DNM3: variants seen among roughly 807,000 people sequenced by gnomAD.
The protein encoded by DNM3 is dynamin-3.
In DNM3, 47 loss-of-function variants were observed where a neutral mutation model predicts 101.6. The observed-to-expected ratio is 0.46, with a 90% CI of 0.37 to 0.59. The LOEUF (loss-of-function observed/expected upper bound fraction) is 0.59. Ranked by LOEUF, DNM3 falls within the 20% of genes least tolerant of loss-of-function variation. The pLI, the probability that DNM3 is intolerant of heterozygous loss-of-function variation, is 0.00. For synonymous variants in DNM3, 385 were observed against 387.9 expected (o/e 0.99, Z 0.09); for missense variants, 849 against 1,085.7 (o/e 0.78, Z 3.06).
At chr1:172,322,543 C>G (rs1167680063) in intron 16 of DNM3, among the ~76,000 whole-genome samples, 1 of 152,108 alleles carries the variant, frequency 6.6e-6, no homozygotes, top group African/African-American at 2.4e-5. Context: ...AGCCATTTGC[C>G]CTGCCGCCTG....
intron 17 of DNM3, among the ~76,000 whole-genome samples, chr1:172,372,475 A>G (rs1207769305): frequency 6.6e-6 from 1 of 151,956 alleles, no homozygotes; most frequent in African/African-American, 2.4e-5. Context: ...GCTATCTTAT[A>G]TGCTACCTTA....
chr1:171,928,355 C>T (rs1020853353), intron 2 of DNM3, among the ~76,000 whole-genome samples: 3 of 152,100 alleles, frequency 2.0e-5, no homozygotes, highest in Admixed American at 2.0e-4. Flanking sequence ...ACTTGTGTTC[C>T]CTCCTCCACT....
chr1:172,246,265 C>G (rs529802338), intron 14 of DNM3, among the ~76,000 whole-genome samples: 2 of 152,206 alleles, frequency 1.3e-5, no homozygotes, highest in African/African-American at 4.8e-5. Context: ...GTCTTAGAGG[C>G]AATACCAGGG....
At chr1:172,010,160 CTA>C (rs1309556211) in intron 4 of DNM3, among the ~76,000 whole-genome samples, 1 of 151,848 alleles carries the variant, frequency 6.6e-6, no homozygotes, top group Non-Finnish European at 1.5e-5. Flanking sequence ...AAAACACATG[CTA>C]TGTTTTCTGC....
intron 14 of DNM3, among the ~76,000 whole-genome samples, chr1:172,147,638 C>A (rs2148208473): frequency 6.6e-6 from 1 of 152,182 alleles, no homozygotes; most frequent in South Asian, 2.1e-4. Flanking sequence ...TCTAAAGGGG[C>A]AGGGTTACTA....
At chr1:172,088,913 T>C (rs962622476) in intron 12 of DNM3, among the ~76,000 whole-genome samples, 4 of 152,248 alleles carry the variant, frequency 2.6e-5, no homozygotes, top group Non-Finnish European at 2.9e-5. Context: ...TCTTCTAATG[T>C]ACTCTTATTT....
intron 20 of DNM3, among the ~76,000 whole-genome samples, chr1:172,403,245 T>C (rs1357514489): frequency 3.9e-5 from 6 of 152,142 alleles, no homozygotes; most frequent in African/African-American, 1.4e-4. Flanking sequence ...CTTCCCATCC[T>C]ATGGAGAAAT....
At chr1:172,138,112 G>T (rs1305708288) in intron 14 of DNM3, 3 of 152,116 alleles carry the variant, frequency 2.0e-5, no homozygotes, top group Non-Finnish European at 2.9e-5. Context: ...ATAAATTTAT[G>T]TATACCATGA....
At chr1:172,345,739 T>C (rs1192833265) in intron 17 of DNM3, among the ~76,000 whole-genome samples, 3 of 152,180 alleles carry the variant, frequency 2.0e-5, no homozygotes, top group Non-Finnish European at 2.9e-5. Flanking sequence ...AAATAGTCCC[T>C]GTTCCCAGGG....
At chr1:172,161,123 AATAAGTTTGCTAGTCTTTGG>A (rs1553400378) in intron 14 of DNM3, among the ~76,000 whole-genome samples, 4 of 151,564 alleles carry the variant, frequency 2.6e-5, no homozygotes, top group Non-Finnish European at 5.9e-5. Flanking sequence ...CAGACTTCAG[AATAAGTTTGCTAGTCTTTGG>A]ATGACCCTGG....
At chr1:172,179,004 T>C (rs114299979) in intron 14 of DNM3, among the ~76,000 whole-genome samples, 1 of 151,982 alleles carries the variant, frequency 6.6e-6, no homozygotes, top group Admixed American at 6.6e-5. Context: ...GGTGAGCTAA[T>C]ACTCTAAAGC....
At chr1:172,116,386 A>AT (rs1238226023) in intron 13 of DNM3, among the ~76,000 whole-genome samples, 4 of 151,928 alleles carry the variant, frequency 2.6e-5, no homozygotes, top group Non-Finnish European at 4.4e-5. Flanking sequence ...TCATCCCCCT[A>AT]TTTCCTTGCA....
intron 17 of DNM3, among the ~76,000 whole-genome samples, chr1:172,369,101 A>G (rs978626565): frequency 3.3e-5 from 5 of 151,876 alleles, no homozygotes; most frequent in African/African-American, 1.2e-4. Flanking sequence ...CAGAAAATGG[A>G]AGGGAATTTT....
At chr1:172,138,472 T>C (rs1464965190) in intron 14 of DNM3, 1 of 152,400 alleles carries the variant, frequency 6.6e-6, no homozygotes, top group African/African-American at 2.4e-5. Flanking sequence ...TGTTTTGTTA[T>C]ATTGAGTTTT....
At chr1:172,345,957 A>G (rs570415036) in intron 17 of DNM3, among the ~76,000 whole-genome samples, 37 of 152,104 alleles carry the variant, frequency 2.4e-4, no homozygotes, top group Non-Finnish European at 1.0e-4. Flanking sequence ...AGTCTCTACT[A>G]AAAATACAAA....
At chr1:172,166,155 G>C (rs1326701254) in intron 14 of DNM3, among the ~76,000 whole-genome samples, 2 of 151,976 alleles carry the variant, frequency 1.3e-5, no homozygotes, top group Non-Finnish European at 2.9e-5. Flanking sequence ...GAGACACTTG[G>C]TCTTTTTTCA....
At chr1:171,938,928 A>G (rs2041632737) in intron 2 of DNM3, among the ~76,000 whole-genome samples, 1 of 152,116 alleles carries the variant, frequency 6.6e-6, no homozygotes, top group Non-Finnish European at 1.5e-5. Context: ...TAATATTTGC[A>G]TAGCTTAATA....
At position 172,183,767 on chromosome 1, in the gene DNM3, A is replaced by ATTTTTT. The variant is rs376245976; in HGVS notation, c.1659+52504_1659+52509dup. On this transcript the variant is annotated intron_variant, in intron 14 of 20. Transcript: ENST00000627582. The stretch of plus-strand genomic sequence containing the variant: ...AGGGTTGCACCACCATGCCCAGCTA[A>ATTTTTT]TTTTTTTTTTTTTTTTTTTTTTTTT... Among the ~76,000 whole-genome samples the ATTTTTT allele has an allele frequency of 7.5e-4, 47 of 62,652 alleles. 2 individuals are homozygous for ATTTTTT. The highest frequency in any genetic ancestry group is 1.0e-3 in the African/African-American group (18 of 17,868). The allele number at this position is 62,652 out of a possible 152,430, so 41.1% of individuals were successfully genotyped here. A position where few individuals can be genotyped will look rare whatever the true frequency, so the allele number is the denominator to read the frequency against.
At chr1:172,012,185 T>C (rs2047172436) in intron 4 of DNM3, among the ~76,000 whole-genome samples, 1 of 152,046 alleles carries the variant, frequency 6.6e-6, no homozygotes, top group Non-Finnish European at 1.5e-5. Context: ...GGTGCTGTGG[T>C]ATTTCTTCTC....
Sources: gnomAD v4.1 joint callset for allele counts (sites outside exome capture counted in the v4.1 genomes callset) on GRCh38, gnomAD v4.1.1 for gene constraint, MANE v1.5 for transcripts, NCBI Gene and HGNC (gene_info 2026-07-23, HGNC 2026-07-21) for gene names.